MAP1B: variants seen among roughly 807,000 people sequenced by gnomAD.
The protein encoded by MAP1B is microtubule-associated protein 1B.
In MAP1B, 12 loss-of-function variants were observed where a neutral mutation model predicts 176.1. That is an observed-to-expected ratio of 0.07 (90% CI 0.04 to 0.11). MAP1B has a LOEUF of 0.11. MAP1B is among the 10% of genes least tolerant of loss of function. The probability of loss-of-function intolerance (pLI) is 1.00; values close to 1 mark genes in which losing one functional copy is unlikely to be tolerated. For missense variants in MAP1B, 2,523 were observed against 2,990.5 expected, an observed-to-expected ratio of 0.84 and a Z score of 3.65; for synonymous variants, 1,044 against 1,135.0, an observed-to-expected ratio of 0.92 and a Z score of 1.61.
At chr5:72,130,637 A>G (rs10043472) in intron 2 of MAP1B, among the ~76,000 whole-genome samples, 63,807 of 152,038 alleles carry the variant, frequency 0.42, 13,549 homozygotes, top group East Asian at 0.44. Flanking sequence ...TTGGCAGTCT[A>G]GAAGCTCTGG....
intron 1 of MAP1B, among the ~76,000 whole-genome samples, chr5:72,108,057 G>T (rs1465289168): frequency 6.6e-6 from 1 of 152,184 alleles, no homozygotes; most frequent in Non-Finnish European, 1.5e-5. Context: ...GCAGAAGGGT[G>T]GGGGAGACCT....
intron 2 of MAP1B, among the ~76,000 whole-genome samples, chr5:72,143,649 T>C (rs1364828990): frequency 6.6e-6 from 1 of 152,214 alleles, no homozygotes; most frequent in Non-Finnish European, 1.5e-5. Flanking sequence ...AGGGCTGCCA[T>C]AACAAAGTAT....
At chr5:72,125,320 G>T (rs1321872326) in intron 2 of MAP1B, among the ~76,000 whole-genome samples, 1 of 152,030 alleles carries the variant, frequency 6.6e-6, no homozygotes, top group Non-Finnish European at 1.5e-5. Flanking sequence ...ATATGTGTTT[G>T]TGTGTGTGTG....
intron 2 of MAP1B, among the ~76,000 whole-genome samples, chr5:72,151,380 G>A (rs72779278): frequency 0.18 from 27,533 of 152,070 alleles, 2,709 homozygotes; most frequent in Middle Eastern, 0.27. Context: ...ATTTCAACAT[G>A]AGATTTGGCA....
At position 72,193,947 on chromosome 5, in the gene MAP1B, A is replaced by G. The variant is rs757020757; in HGVS notation, c.592A>G (p.Asn198Asp). ...CTGTCCTGAAGAAGGGGACTGGAAG[A>G]ACTCCAATCTTGACAGACACAATCT... ...LFCPEEGDWK[N>D]SNLDRHNLQD... Residue 198 changes from asparagine to aspartate, a missense_variant, in exon 5 of 7, where the codon AAC (asparagine) becomes GAC (aspartate). This residue lies in a region of MAP1B where 307 missense variants were observed against 438.4 expected (regional missense o/e 0.70). Transcript: ENST00000296755. 7.4e-6 allele frequency: 12 copies of G among 1,614,040 alleles called. No individual in the cohort carries two copies. The East Asian group carries it at 2.5e-4, about 33-fold the overall frequency.
Position 72,199,191 on chromosome 5 carries a change from A to C in MAP1B, c.5836A>C (p.Thr1946Pro). Reference sequence around the variant, plus strand: ...CTATTCCTATGAAATTATTGAGAAGACCACACGGACCCCTGAAGAGGGTGG... The same window carrying C: ...CTATTCCTATGAAATTATTGAGAAGCCCACACGGACCCCTGAAGAGGGTGG... ...GDYSYEIIEK[T>P]TRTPEEGGYS... Residue 1946 changes from threonine to proline, a missense_variant, in exon 5 of 7, where the codon ACC (threonine) becomes CCC (proline). Thr to Pro is a conservative substitution (Grantham distance 38). Transcript: ENST00000296755. This position sits in a 1 kb window ranked among gnomAD's most constrained non-coding sequence, Gnocchi z 4.2. The C allele has an allele frequency of 6.2e-7, 1 of 1,614,080 alleles. No individual in the cohort carries two copies. The highest frequency in any genetic ancestry group is 8.5e-7 in the Non-Finnish European group (1 of 1,179,974).
chr5:72,195,570 G>T lies in MAP1B; in HGVS notation c.2215G>T (p.Ala739Ser). 6.2e-7 allele frequency: 1 copy of T among 1,612,538 alleles called. No individual in the cohort carries two copies. The highest frequency in any genetic ancestry group is 8.5e-7 in the Non-Finnish European group (1 of 1,179,694). The stretch of plus-strand genomic sequence containing the variant: ...AGAAATTAAGAAGCTCCCTAAAGAC[G>T]CAAAGAAATCATCTACTCCTCTGTC... ...KKEIKKLPKD[A>S]KKSSTPLSEA... Residue 739 changes from alanine (A) to serine (S), a missense_variant, in exon 5 of 7, where the codon GCA (alanine) becomes TCA (serine). This residue lies in a region of MAP1B where 1,925 missense variants were observed against 2,126.0 expected (regional missense o/e 0.91). Coordinates refer to ENST00000296755, the MANE Select transcript of MAP1B (RefSeq NM_005909.5).
At chr5:72,116,364 T>C (rs1044063034) in intron 2 of MAP1B, 1 of 351,742 alleles carries the variant, frequency 2.8e-6, no homozygotes, top group African/African-American at 2.2e-5. Flanking sequence ...TTATCTTTCT[T>C]CGTGTGGGTA....
intron 2 of MAP1B, among the ~76,000 whole-genome samples, chr5:72,168,242 A>C (rs1470543443): frequency 6.6e-6 from 1 of 152,218 alleles, no homozygotes; most frequent in African/African-American, 2.4e-5. Flanking sequence ...CTCTGCTCCA[A>C]AATAAATGAG....
chr5:72,160,371 C>G (rs994496508), intron 2 of MAP1B, among the ~76,000 whole-genome samples: 1 of 152,164 alleles, frequency 6.6e-6, no homozygotes, highest in Non-Finnish European at 1.5e-5. Flanking sequence ...ATTTATTTTG[C>G]CAGGCTTGAA....
chr5:72,187,608 A>C (rs1024017113), intron 4 of MAP1B, among the ~76,000 whole-genome samples: 3 of 152,162 alleles, frequency 2.0e-5, no homozygotes, highest in African/African-American at 7.2e-5. Flanking sequence ...AAGAGTCCCC[A>C]CATCTGTTTA....
chr5:72,175,067 C>T (rs1402257853), intron 2 of MAP1B, among the ~76,000 whole-genome samples: 1 of 126,978 alleles, frequency 7.9e-6, no homozygotes, highest in Non-Finnish European at 1.6e-5. Flanking sequence ...TTCTATCTTT[C>T]CTCCTTTTCC....
chr5:72,160,235 C>T (rs2112178570), intron 2 of MAP1B, among the ~76,000 whole-genome samples: 1 of 128,958 alleles, frequency 7.8e-6, no homozygotes, highest in African/African-American at 2.7e-5. Context: ...AAAAAAAAAT[C>T]CAAACCAAAA....
At chr5:72,111,001 A>C (rs143635130) in intron 1 of MAP1B, among the ~76,000 whole-genome samples, 21 of 152,328 alleles carry the variant, frequency 1.4e-4, no homozygotes, top group African/African-American at 5.1e-4. Context: ...AGTTTGGAAC[A>C]ATAGTGTTTC....
In MAP1B at chr5:72,207,357, C is replaced by A. The variant is rs557721193; in HGVS notation, c.*2118C>A. On this transcript the variant is annotated 3_prime_UTR_variant, in exon 7 of 7. Coordinates refer to ENST00000296755, the MANE Select transcript of MAP1B (RefSeq NM_005909.5). ...AATTAACATTTTAGTTGATTTTTGTCTGATAAGTCTATGTTTTGCACTGCT... is the reference window on the plus strand; with the variant it reads ...AATTAACATTTTAGTTGATTTTTGTATGATAAGTCTATGTTTTGCACTGCT... The A allele has an allele frequency of 6.6e-6, 1 of 152,172 alleles. No homozygotes were observed. Among genetic ancestry groups the A allele is most frequent in the African/African-American group, 2.4e-5 (1 of 41,504 alleles). The allele number at this position is 152,172 out of a possible 1,614,324, so 9.4% of individuals were successfully genotyped here.
At chr5:72,179,091 T>G (rs566454415) in intron 2 of MAP1B, among the ~76,000 whole-genome samples, 1 of 152,266 alleles carries the variant, frequency 6.6e-6, no homozygotes, top group Admixed American at 6.5e-5. Flanking sequence ...TGTCCTCTTT[T>G]GATTCTGAGG....
rs143498338 is a variant in MAP1B, at chr5:72,108,571, G to C, written c.184+856G>C. On this transcript the variant is annotated intron_variant, in intron 1 of 6. Transcript: ENST00000296755. ...CGGAGGCCGAATAGCGGTACGCCGG[G>C]GACCCTGGGCGGGGCCGTGAGGGTC... Among the ~76,000 whole-genome samples the C allele has an allele frequency of 1.9e-3, 288 of 152,312 alleles. 1 individual carries two copies. The highest frequency in any genetic ancestry group is 6.3e-3 in the African/African-American group (264 of 41,584).
intron 2 of MAP1B, among the ~76,000 whole-genome samples, chr5:72,154,615 G>C (rs1030934202): frequency 1.3e-5 from 2 of 152,160 alleles, no homozygotes; most frequent in Non-Finnish European, 2.9e-5. Flanking sequence ...ACAAACACAG[G>C]TCCCCTACCA....
Position 72,203,581 on chromosome 5 carries a change from C to G in MAP1B, c.7031C>G (p.Thr2344Arg). Residue 2344 changes from threonine (T) to arginine (R), a missense_variant, in exon 6 of 7, where the codon ACG becomes AGG. By Grantham distance (71) the Thr-to-Arg change is moderately conservative. Transcript: ENST00000296755. ...TATAGPGTTKTTKSSAVPPGL... is the reference protein window; with the variant it reads ...TATAGPGTTKRTKSSAVPPGL... ...ACCCAAGGACCAGGAACTACCAAGACGACCAAGTCATCTGCTGTGCCCCCA... is the reference window on the plus strand; with the variant it reads ...ACCCAAGGACCAGGAACTACCAAGAGGACCAAGTCATCTGCTGTGCCCCCA... The G allele has an allele frequency of 6.2e-7, 1 of 1,613,798 alleles. No homozygotes were observed. Among genetic ancestry groups the G allele is most frequent in the Non-Finnish European group, 8.5e-7 (1 of 1,179,682 alleles).
Sources: allele counts gnomAD v4.1 joint callset (sites outside exome capture counted in the v4.1 genomes callset), GRCh38; gene constraint gnomAD v4.1.1; regional missense constraint gnomAD v4.1.1; non-coding constraint Gnocchi (gnomAD v3.1); transcripts MANE v1.5; gene names NCBI Gene and HGNC (gene_info 2026-07-23, HGNC 2026-07-21).